OR8G1: variants seen among roughly 807,000 people sequenced by gnomAD.
OR8G1 encodes the protein olfactory receptor family 8 subfamily G member 1.
For synonymous variants in OR8G1, 129 were observed against 133.3 expected (o/e 0.97, Z 0.22); for missense variants, 372 against 356.2 (o/e 1.04, Z -0.36).
At position 124,250,327 on chromosome 11, in the gene OR8G1, T is replaced by TA. The variant is rs768550215; in HGVS notation, c.653dup (p.Tyr218Ter). The TA allele has an allele frequency of 1.2e-6, 2 of 1,613,802 alleles. No individual in the cohort carries two copies. Among genetic ancestry groups the TA allele is most frequent in the South Asian group, 2.2e-5 (2 of 91,074 alleles). The stretch of plus-strand genomic sequence containing the variant: ...CCCCAGCCTGACCATCCTTTGCTCT[T>TA]ACATCTTTATTATTGCCAGCATCCT... ...LVPSLTILCS[Y>*]IFIIASILHI... Residue 218 changes from tyrosine (Y) to a stop codon, truncating the protein, a stop_gained and frameshift_variant, in exon 3 of 3, where the codon TAC becomes TAAC. Transcript: ENST00000641972. LOFTEE classifies it low-confidence loss of function (END_TRUNC).
intron 1 of OR8G1, among the ~76,000 whole-genome samples, chr11:124,244,393 C>G (rs2466660): frequency 0.51 from 77,519 of 151,550 alleles, 20,454 homozygotes; most frequent in South Asian, 0.7. Context: ...ATTGGGAAAT[C>G]CCTGAATTGA....
At chr11:124,242,940 C>A (rs1370380702) in intron 1 of OR8G1, among the ~76,000 whole-genome samples, 2 of 151,770 alleles carry the variant, frequency 1.3e-5, no homozygotes, top group Non-Finnish European at 2.9e-5. Flanking sequence ...TATTGTTAAC[C>A]AAAGGGTGTG....
intron 1 of OR8G1, among the ~76,000 whole-genome samples, chr11:124,244,856 G>A (rs1311522302): frequency 6.6e-6 from 1 of 151,758 alleles, no homozygotes; most frequent in East Asian, 1.9e-4. Flanking sequence ...GTGCTTTGTT[G>A]GTGTCTTAAC....
chr11:124,250,700 C>A lies in OR8G1; in HGVS notation c.*89C>A. The A allele has an allele frequency of 2.4e-6, 1 of 408,380 alleles. No homozygotes were observed. The highest frequency in any genetic ancestry group is 6.5e-5 in the South Asian group (1 of 15,428). The allele number at this position is 408,380 out of a possible 1,614,324, so 25.3% of individuals were successfully genotyped here. ...ATGTCTTTCACTTTAATGCATCTGTCAATAATTTTTACCATTTGGTGAGAT... is the reference window on the plus strand; with the variant it reads ...ATGTCTTTCACTTTAATGCATCTGTAAATAATTTTTACCATTTGGTGAGAT... On this transcript the variant is annotated 3_prime_UTR_variant, in exon 3 of 3. Transcript: ENST00000641972.
intron 1 of OR8G1, among the ~76,000 whole-genome samples, chr11:124,245,963 G>T (rs1030779509): frequency 6.1e-5 from 8 of 130,248 alleles, no homozygotes; most frequent in Non-Finnish European, 1.3e-4. Flanking sequence ...CATGTTGTAG[G>T]TTGCCTGTTC....
Position 124,253,603 on chromosome 11 carries a change from G to A in OR8G1, c.*2992G>A, listed in dbSNP as rs1189763425. ...TAACATATTTATTTGTGTGTGTGTG[G>A]TGAGAACACTAATCCAATAGATTTT... On this transcript the variant is annotated 3_prime_UTR_variant, in exon 3 of 3. Coordinates refer to ENST00000641972, the MANE Select transcript of OR8G1 (RefSeq NM_001002905.2). 2.6e-5 allele frequency: 4 copies of A among 152,080 alleles called. No homozygotes were observed. The highest frequency in any genetic ancestry group is 1.3e-4 in the Admixed American group (2 of 15,258). The allele number at this position is 152,080 out of a possible 1,614,324, so 9.4% of individuals were successfully genotyped here.
At chr11:124,243,548 A>G (rs1357289637) in intron 1 of OR8G1, among the ~76,000 whole-genome samples, 2 of 152,020 alleles carry the variant, frequency 1.3e-5, no homozygotes, top group East Asian at 3.9e-4. Flanking sequence ...TCAAGTCTCT[A>G]CAACAGTATT....
In OR8G1 at chr11:124,253,387, C is replaced by G. The variant is rs185630392; in HGVS notation, c.*2776C>G. ...AGTGAGCCTTGATTGTGCCACTGTACGTCAGCCTGGGCGACAGAGAGAGAT... is the reference window on the plus strand; with the variant it reads ...AGTGAGCCTTGATTGTGCCACTGTAGGTCAGCCTGGGCGACAGAGAGAGAT... On this transcript the variant is annotated 3_prime_UTR_variant, in exon 3 of 3. Transcript: ENST00000641972. 6.6e-6 allele frequency: 1 copy of G among 151,902 alleles called. No individual in the cohort carries two copies. The highest frequency in any genetic ancestry group is 1.5e-5 in the Non-Finnish European group (1 of 68,020). The allele number at this position is 151,902 out of a possible 1,614,324, so 9.4% of individuals were successfully genotyped here.
chr11:124,251,547 AATGCAGAT>A lies in OR8G1; in HGVS notation c.*940_*947del. ...GTGTATTTGTTCTGTGAAAAATCCC[AATGCAGAT>A]ATGATAACTTGTTAACACCTGATTT... On this transcript the variant is annotated 3_prime_UTR_variant, in exon 3 of 3. Coordinates refer to ENST00000641972, the MANE Select transcript of OR8G1 (RefSeq NM_001002905.2). 2.6e-6 allele frequency: 1 copy of A among 381,924 alleles called. No homozygotes were observed. Among genetic ancestry groups the A allele is most frequent in the African/African-American group, 2.0e-5 (1 of 50,550 alleles). 23.7% of individuals were successfully genotyped at this position (381,924 alleles called of 1,614,324 possible).
In OR8G1 at chr11:124,251,496, C is replaced by G; in HGVS notation, c.*885C>G. 3 of 606,836 alleles carry G rather than the reference C, an allele frequency of 4.9e-6. No individual in the cohort carries two copies. Among genetic ancestry groups the G allele is most frequent in the Non-Finnish European group, 7.8e-6 (3 of 384,922 alleles). The allele number at this position is 606,836 out of a possible 1,614,324, so 37.6% of individuals were successfully genotyped here. A position where few individuals can be genotyped will look rare whatever the true frequency, so the allele number is the denominator to read the frequency against. On this transcript the variant is annotated 3_prime_UTR_variant, in exon 3 of 3. Coordinates refer to ENST00000641972, the MANE Select transcript of OR8G1 (RefSeq NM_001002905.2). Reference sequence around the variant, plus strand: ...AATCTATAATATAACTGGTAACATTCTGACCTATTCTATGCTAAGATGTAT... The same window carrying G: ...AATCTATAATATAACTGGTAACATTGTGACCTATTCTATGCTAAGATGTAT...
Position 124,241,302 on chromosome 11 carries a change from T to G in OR8G1, c.-159T>G, listed in dbSNP as rs1861758158. Reference sequence around the variant, plus strand: ...AAGAGAACATTCCAAGCCAACATTCTCCATGTCAGGAAGAGGAAATTGCAA... The same window carrying G: ...AAGAGAACATTCCAAGCCAACATTCGCCATGTCAGGAAGAGGAAATTGCAA... On this transcript the variant is annotated 5_prime_UTR_variant, in exon 1 of 3. Transcript: ENST00000641972. The G allele has an allele frequency of 6.6e-6, 1 of 152,054 alleles. No homozygotes were observed. The highest frequency in any genetic ancestry group is 1.5e-5 in the Non-Finnish European group (1 of 68,016). 9.4% of individuals were successfully genotyped at this position (152,054 alleles called of 1,614,324 possible).
At chr11:124,246,462 A>G (rs1040661103) in intron 1 of OR8G1, among the ~76,000 whole-genome samples, 7 of 151,940 alleles carry the variant, frequency 4.6e-5, no homozygotes, top group Non-Finnish European at 8.8e-5. Context: ...ATACTATCAG[A>G]AAAAGGAAAG....
chr11:124,243,342 A>C (rs1861777991), intron 1 of OR8G1, among the ~76,000 whole-genome samples: 1 of 151,960 alleles, frequency 6.6e-6, no homozygotes, highest in Non-Finnish European at 1.5e-5. Flanking sequence ...TATTTTTCAG[A>C]GCCTCATATT....
chr11:124,252,103 A>G lies in OR8G1; in HGVS notation c.*1492A>G, dbSNP rs992887637. 6.6e-6 allele frequency: 1 copy of G among 152,114 alleles called. No individual in the cohort carries two copies. Among genetic ancestry groups the G allele is most frequent in the Non-Finnish European group, 1.5e-5 (1 of 68,008 alleles). The allele number at this position is 152,114 out of a possible 1,614,324, so 9.4% of individuals were successfully genotyped here. A position where few individuals can be genotyped will look rare whatever the true frequency, so the allele number is the denominator to read the frequency against. On this transcript the variant is annotated 3_prime_UTR_variant, in exon 3 of 3. Transcript: ENST00000641972. ...TGAAGGGAGTGTAGGTGAATGAGCC[A>G]TAGGTTAATAGGACTATTTCCCGGG...
rs1342231390 is a variant in OR8G1 at position 124,253,105 on chromosome 11, ATAATT to A, written c.*2498_*2502del. On this transcript the variant is annotated 3_prime_UTR_variant, in exon 3 of 3. Coordinates refer to ENST00000641972, the MANE Select transcript of OR8G1 (RefSeq NM_001002905.2). ...TAACAGCTTAAATGAAGATAAAACA[ATAATT>A]TAAAGTCCGTTAGAAAACTATTTAT... The A allele has an allele frequency of 6.6e-6, 1 of 152,208 alleles. No homozygotes were observed. The highest frequency in any genetic ancestry group is 6.5e-5 in the Admixed American group (1 of 15,268). 9.4% of individuals were successfully genotyped at this position (152,208 alleles called of 1,614,324 possible).
chr11:124,248,017 A>G (rs1014194084), intron 2 of OR8G1, 137 bp downstream of exon 2: 1 of 151,938 alleles, frequency 6.6e-6, no homozygotes, highest in African/African-American at 2.4e-5. Flanking sequence ...CTTCACACCA[A>G]CATTTGGTAT....
rs528413850 is a variant in OR8G1, at chr11:124,249,823, T to G, written c.148T>G (p.Trp50Gly). The G allele has an allele frequency of 1.3e-5, 21 of 1,614,028 alleles. No homozygotes were observed. The highest frequency in any genetic ancestry group is 4.5e-5 in the East Asian group (2 of 44,858). Reference sequence around the variant, plus strand: ...CAACCTGGGCATGACCACACTGATTTGGCTCAGTTCTCACCTGCACACCCC... The same window carrying G: ...CAACCTGGGCATGACCACACTGATTGGGCTCAGTTCTCACCTGCACACCCC... ...VGNLGMTTLI[W>G]LSSHLHTPMY... is the part of the protein sequence containing the mutation. The change falls in exon 3 of 3, where the codon TGG becomes GGG. Residue 50 changes from tryptophan (W) to glycine (G), a missense_variant. Coordinates refer to ENST00000641972, the MANE Select transcript of OR8G1 (RefSeq NM_001002905.2).
chr11:124,245,138 A>G (rs1176296362), intron 1 of OR8G1, among the ~76,000 whole-genome samples: 2 of 149,840 alleles, frequency 1.3e-5, no homozygotes, highest in East Asian at 2.0e-4. Context: ...AGCATTAGGT[A>G]TATCTCCTAA....
At chr11:124,246,796 A>T (rs539215999) in intron 1 of OR8G1, among the ~76,000 whole-genome samples, 3 of 151,514 alleles carry the variant, frequency 2.0e-5, no homozygotes, top group Non-Finnish European at 4.4e-5. Flanking sequence ...ATTTGCAATG[A>T]TTTACATAAT....
Sources: allele counts gnomAD v4.1 joint callset (sites outside exome capture counted in the v4.1 genomes callset), GRCh38; gene constraint gnomAD v4.1.1; transcripts MANE v1.5; gene names NCBI Gene and HGNC (gene_info 2026-07-23, HGNC 2026-07-21).